The following CWC27 variants were observed in gnomAD, a reference collection of about 807,000 sequenced individuals.
CWC27 encodes spliceosome-associated protein CWC27 homolog.
In CWC27, 47 loss-of-function variants were observed where a neutral mutation model predicts 63.6. That is an observed-to-expected ratio of 0.74 (90% CI 0.58 to 0.94). The LOEUF (loss-of-function observed/expected upper bound fraction) is 0.94. CWC27 is among the 40% of genes least tolerant of loss of function. CWC27 has a pLI of 0.00. For missense variants in CWC27, 495 were observed against 554.3 expected, an observed-to-expected ratio of 0.89 and a Z score of 1.07; for synonymous variants, 175 against 179.8, an observed-to-expected ratio of 0.97 and a Z score of 0.22.
chr5:64,798,939 C>A (rs1308745163), intron 7 of CWC27, among the ~76,000 whole-genome samples: 1 of 152,108 alleles, frequency 6.6e-6, no homozygotes, highest in African/African-American at 2.4e-5. Context: ...ATCTTCCCCC[C>A]TCAAGATACA....
At chr5:64,901,192 T>G (rs941341253) in intron 11 of CWC27, among the ~76,000 whole-genome samples, 8 of 152,082 alleles carry the variant, frequency 5.3e-5, no homozygotes, top group Admixed American at 5.2e-4. Context: ...CACAGGTAAG[T>G]ATTTGTGTAT....
At chr5:64,775,311 CTG>C (rs1490088134) in intron 2 of CWC27, among the ~76,000 whole-genome samples, 2 of 152,172 alleles carry the variant, frequency 1.3e-5, no homozygotes, top group Non-Finnish European at 2.9e-5. Flanking sequence ...ACCTGTATGA[CTG>C]TAATTGCCTC....
chr5:64,996,158 G>T (rs1561183518), intron 13 of CWC27, among the ~76,000 whole-genome samples: 1 of 152,090 alleles, frequency 6.6e-6, no homozygotes, highest in Non-Finnish European at 1.5e-5. Context: ...CTGAGCAAAA[G>T]CACAAAGAAT....
At chr5:65,013,100 T>C (rs2112475570) in intron 13 of CWC27, among the ~76,000 whole-genome samples, 1 of 152,296 alleles carries the variant, frequency 6.6e-6, no homozygotes, top group African/African-American at 2.4e-5. Context: ...TAGTTCTACA[T>C]CAGGTGCTAT....
At chr5:64,804,154 A>G (rs1024724786) in intron 9 of CWC27, 75 bp from the exon 10 acceptor site, 1 of 1,305,886 alleles carries the variant, frequency 7.7e-7, no homozygotes, top group Non-Finnish European at 1.0e-6. Context: ...AAGGAGATTC[A>G]GTGGATGCAA....
chr5:64,844,827 G>T, intron 10 of CWC27: 4 of 448,620 alleles, frequency 8.9e-6, no homozygotes, highest in South Asian at 6.3e-5. Context: ...ACTCAACTCT[G>T]CCACAAAGCA....
intron 13 of CWC27, among the ~76,000 whole-genome samples, chr5:64,983,561 A>C (rs1419941642): frequency 2.0e-5 from 3 of 152,236 alleles, no homozygotes; most frequent in South Asian, 4.1e-4. Context: ...ATTATGACCC[A>C]ATCTATAGGT....
At chr5:65,003,900 A>G (rs1749778652) in intron 13 of CWC27, among the ~76,000 whole-genome samples, 1 of 150,334 alleles carries the variant, frequency 6.7e-6, no homozygotes, top group South Asian at 2.1e-4. Flanking sequence ...GCTGGAATGC[A>G]GTGGCATGAT....
intron 10 of CWC27, among the ~76,000 whole-genome samples, chr5:64,818,973 G>T (rs756785590): frequency 1.3e-5 from 2 of 152,154 alleles, no homozygotes; most frequent in Non-Finnish European, 2.9e-5. Flanking sequence ...AAAGATATTT[G>T]CTCCTAGGTT....
chr5:64,797,973 C>G (rs1744339548), intron 7 of CWC27, among the ~76,000 whole-genome samples: 1 of 152,078 alleles, frequency 6.6e-6, no homozygotes, highest in African/African-American at 2.4e-5. Context: ...GGGGCCAATT[C>G]TGACTGTGAT....
At chr5:64,846,228 T>C (rs1251039514) in intron 10 of CWC27, among the ~76,000 whole-genome samples, 1 of 152,202 alleles carries the variant, frequency 6.6e-6, no homozygotes, top group Non-Finnish European at 1.5e-5. Flanking sequence ...ATATGTAAAA[T>C]AGTGCCATAT....
chr5:65,003,010 C>G (rs956567657), intron 13 of CWC27, among the ~76,000 whole-genome samples: 8 of 152,164 alleles, frequency 5.3e-5, no homozygotes, highest in Non-Finnish European at 5.9e-5. Context: ...TATCCTCTTG[C>G]TGATTTGATC....
intron 13 of CWC27, among the ~76,000 whole-genome samples, chr5:64,984,251 T>C (rs1749381203): frequency 6.6e-6 from 1 of 152,240 alleles, no homozygotes; most frequent in Non-Finnish European, 1.5e-5. Flanking sequence ...ATTTATTATC[T>C]TTATTTACAC....
intron 11 of CWC27, among the ~76,000 whole-genome samples, chr5:64,929,367 G>C (rs994584403): frequency 2.0e-5 from 3 of 152,088 alleles, no homozygotes; most frequent in African/African-American, 7.2e-5. Flanking sequence ...AAAAAAGAAA[G>C]GGGGGTGGGG....
At chr5:64,969,626 C>T (rs986183081) in intron 11 of CWC27, among the ~76,000 whole-genome samples, 1 of 149,854 alleles carries the variant, frequency 6.7e-6, no homozygotes, top group Non-Finnish European at 1.5e-5. Flanking sequence ...GAAAGATACA[C>T]TTAAGAAAAT....
At chr5:64,840,358 T>C (rs1285361728) in intron 10 of CWC27, among the ~76,000 whole-genome samples, 2 of 73,278 alleles carry the variant, frequency 2.7e-5, no homozygotes, top group Non-Finnish European at 5.0e-5. Context: ...TTATCCTTTT[T>C]CATTAAAAAA....
intron 11 of CWC27, among the ~76,000 whole-genome samples, chr5:64,933,647 C>T (rs911056381): frequency 6.6e-6 from 1 of 152,080 alleles, no homozygotes; most frequent in African/African-American, 2.4e-5. Flanking sequence ...CATGCACCAC[C>T]ATGCCTGGCT....
intron 7 of CWC27, 51 bp downstream of exon 7, chr5:64,789,071 A>G (rs772412545): frequency 3.1e-6 from 4 of 1,283,424 alleles, no homozygotes; most frequent in East Asian, 2.3e-5. Context: ...ATTGGGGTCT[A>G]TATCTTACTC....
chr5:65,001,486 T>A (rs575578205), intron 13 of CWC27, among the ~76,000 whole-genome samples: 1 of 152,266 alleles, frequency 6.6e-6, no homozygotes, highest in East Asian at 1.9e-4. Flanking sequence ...TATTGAGGTA[T>A]GCTCCTTCCG....
Sources: gnomAD v4.1 joint callset for allele counts (sites outside exome capture counted in the v4.1 genomes callset) on GRCh38, gnomAD v4.1.1 for gene constraint, MANE v1.5 for transcripts, NCBI Gene and HGNC (gene_info 2026-07-23, HGNC 2026-07-21) for gene names.